Variants in SCFD2 observed in about 807,000 individuals in gnomAD.
SCFD2 encodes the protein sec1 family domain containing 2, also known as sec1 family domain-containing protein 2.
A neutral mutation model predicts 58.9 loss-of-function variants in SCFD2; 54 were observed. The observed-to-expected ratio is 0.92, with a 90% CI of 0.74 to 1.15. The LOEUF (loss-of-function observed/expected upper bound fraction) is 1.15. Among genes scored for constraint, SCFD2 ranks in the 50% most tolerant of loss-of-function variants. SCFD2 has a pLI of 0.00. For missense variants in SCFD2, 805 were observed against 836.6 expected (o/e 0.96, Z 0.47); for synonymous variants, 321 against 335.9 (o/e 0.96, Z 0.49).
chr4:53,012,814 C>CTG lies in SCFD2; in HGVS notation c.1562-91946_1562-91945dup, dbSNP rs533768079. 1.2e-3 allele frequency among the ~76,000 whole-genome samples: 181 copies of CTG among 146,232 alleles called. 1 individual carries two copies. The highest frequency in any genetic ancestry group is 3.1e-3 in the African/African-American group (121 of 39,238). ...CCTCCCTCTCCCTCTCCCCTCCTTT[C>CTG]TGTGTGTGTGTGTGTGTGTGTGTTT... On this transcript the variant is annotated intron_variant, in intron 5 of 8. Transcript: ENST00000401642.
intron 4 of SCFD2, among the ~76,000 whole-genome samples, chr4:53,256,541 G>A (rs1730639284): frequency 6.6e-6 from 1 of 152,138 alleles, no homozygotes; most frequent in South Asian, 2.1e-4. Context: ...CTGGGAGGTG[G>A]TTGTAGTGAG....
At chr4:53,017,499 A>T (rs1577662475) in intron 5 of SCFD2, among the ~76,000 whole-genome samples, 1 of 152,328 alleles carries the variant, frequency 6.6e-6, no homozygotes, top group Middle Eastern at 3.4e-3. Flanking sequence ...AAAACATCTT[A>T]AAGTATTTGA....
intron 3 of SCFD2, among the ~76,000 whole-genome samples, chr4:53,293,664 C>CA (rs1340002300): frequency 6.6e-6 from 1 of 152,110 alleles, no homozygotes; most frequent in Non-Finnish European, 1.5e-5. Context: ...TCAGTGCTAA[C>CA]ATCATAATCA....
intron 3 of SCFD2, among the ~76,000 whole-genome samples, chr4:53,295,986 C>T (rs1732015285): frequency 6.6e-6 from 1 of 152,184 alleles, no homozygotes; most frequent in African/African-American, 2.4e-5. Context: ...TGGGATGAAG[C>T]TGGCTTGATC....
At chr4:52,934,044 A>G (rs1720066775) in intron 5 of SCFD2, among the ~76,000 whole-genome samples, 2 of 152,180 alleles carry the variant, frequency 1.3e-5, no homozygotes, top group South Asian at 4.1e-4. Flanking sequence ...TCAGAACCAT[A>G]CACTTCTATT....
At chr4:53,308,924 T>C (rs1044972172) in intron 3 of SCFD2, among the ~76,000 whole-genome samples, 1 of 150,692 alleles carries the variant, frequency 6.6e-6, no homozygotes, top group African/African-American at 2.4e-5. Flanking sequence ...AGGTCATGAG[T>C]TTGAGACCAG....
At chr4:52,925,745 G>A (rs185747097) in intron 5 of SCFD2, among the ~76,000 whole-genome samples, 1 of 152,254 alleles carries the variant, frequency 6.6e-6, no homozygotes, top group African/African-American at 2.4e-5. Context: ...TAAACCAGAA[G>A]CTGATTGTAA....
At chr4:53,326,933 T>G (rs1733216768) in intron 2 of SCFD2, among the ~76,000 whole-genome samples, 1 of 151,412 alleles carries the variant, frequency 6.6e-6, no homozygotes, top group African/African-American at 2.4e-5. Flanking sequence ...AATGAGGCTA[T>G]AAGTAGGTAC....
At chr4:53,004,575 C>T (rs375874135) in intron 5 of SCFD2, among the ~76,000 whole-genome samples, 89 of 152,306 alleles carry the variant, frequency 5.8e-4, no homozygotes, top group African/African-American at 2.1e-3. Context: ...TGTTAAGTAG[C>T]TTGCCCAAGG....
At chr4:53,032,514 A>G (rs1234791858) in intron 5 of SCFD2, among the ~76,000 whole-genome samples, 1 of 152,242 alleles carries the variant, frequency 6.6e-6, no homozygotes, top group African/African-American at 2.4e-5. Context: ...TAAAGAGTCA[A>G]GACCCATCAG....
intron 8 of SCFD2, among the ~76,000 whole-genome samples, chr4:52,879,959 G>T (rs1269519501): frequency 6.6e-6 from 1 of 152,202 alleles, no homozygotes; most frequent in Non-Finnish European, 1.5e-5. Flanking sequence ...TCATTCGATA[G>T]GCAGCTTTTG....
chr4:53,248,643 A>G (rs1244759258), intron 4 of SCFD2, among the ~76,000 whole-genome samples: 2 of 152,146 alleles, frequency 1.3e-5, no homozygotes, highest in Admixed American at 6.6e-5. Flanking sequence ...TAAGTGGGAG[A>G]CACCCCCCAG....
At chr4:53,324,524 G>A (rs1364530991) in intron 2 of SCFD2, among the ~76,000 whole-genome samples, 1 of 151,950 alleles carries the variant, frequency 6.6e-6, no homozygotes, top group African/African-American at 2.4e-5. Context: ...CAGGAGGCAT[G>A]ACATGCCAGG....
intron 7 of SCFD2, among the ~76,000 whole-genome samples, chr4:52,896,512 T>C (rs537454354): frequency 0.02 from 3,037 of 152,288 alleles, 116 homozygotes; most frequent in African/African-American, 0.069. Context: ...TCTGTTCCAT[T>C]GGTCTATATC....
At chr4:52,986,041 CCT>C (rs1204768778) in intron 5 of SCFD2, among the ~76,000 whole-genome samples, 1 of 151,994 alleles carries the variant, frequency 6.6e-6, no homozygotes, top group Non-Finnish European at 1.5e-5. Context: ...CACCTGTCCC[CCT>C]GTGACGTCGC....
At chr4:53,213,546 A>G (rs189395900) in intron 4 of SCFD2, among the ~76,000 whole-genome samples, 1 of 152,156 alleles carries the variant, frequency 6.6e-6, no homozygotes, top group East Asian at 1.9e-4. Flanking sequence ...CTGAAAGTAA[A>G]TTCAGGAATT....
intron 5 of SCFD2, among the ~76,000 whole-genome samples, chr4:52,990,550 G>T (rs1721593261): frequency 6.6e-6 from 1 of 152,168 alleles, no homozygotes; most frequent in South Asian, 2.1e-4. Flanking sequence ...TTTTTCAGAT[G>T]AAGAAAATGA....
intron 5 of SCFD2, among the ~76,000 whole-genome samples, chr4:52,984,233 G>C (rs1277259890): frequency 6.6e-6 from 1 of 152,126 alleles, no homozygotes; most frequent in African/African-American, 2.4e-5. Flanking sequence ...AGGCTATATT[G>C]GATATATTCA....
intron 4 of SCFD2, among the ~76,000 whole-genome samples, chr4:53,194,330 T>C (rs1026712693): frequency 6.6e-6 from 1 of 152,206 alleles, no homozygotes; most frequent in Non-Finnish European, 1.5e-5. Context: ...GAGATTCTCT[T>C]TCTTTTGGTC....
Sources: gnomAD v4.1 joint callset for allele counts (sites outside exome capture counted in the v4.1 genomes callset) on GRCh38, gnomAD v4.1.1 for gene constraint, MANE v1.5 for transcripts, NCBI Gene and HGNC (gene_info 2026-07-23, HGNC 2026-07-21) for gene names.